CPED1: variants seen among roughly 807,000 people sequenced by gnomAD.
CPED1 encodes the protein cadherin-like and PC-esterase domain-containing protein 1.
A neutral mutation model predicts 128.2 loss-of-function variants in CPED1; 114 were observed. The observed-to-expected ratio is 0.89, with a 90% CI of 0.76 to 1.04. The LOEUF (loss-of-function observed/expected upper bound fraction) is 1.04, where lower values mean the gene tolerates loss of function less well. CPED1 is among the 50% of genes least tolerant of loss of function. The probability of loss-of-function intolerance (pLI) is 0.00; values close to 1 mark genes in which losing one functional copy is unlikely to be tolerated. For synonymous variants in CPED1, 462 were observed against 426.7 expected (o/e 1.08, Z -1.02); for missense variants, 1,211 against 1,207.1 (o/e 1.00, Z -0.05).
At chr7:121,125,327 T>C (rs1319921320) in intron 8 of CPED1, among the ~76,000 whole-genome samples, 1 of 152,156 alleles carries the variant, frequency 6.6e-6, no homozygotes, top group Non-Finnish European at 1.5e-5. Context: ...AGTTCTGGGA[T>C]ATATGTGCAG....
chr7:121,034,649 G>A (rs1792839859), intron 3 of CPED1, among the ~76,000 whole-genome samples: 1 of 152,162 alleles, frequency 6.6e-6, no homozygotes, highest in African/African-American at 2.4e-5. Context: ...TGTGGGTAGG[G>A]GAGGGAGCAT....
intron 5 of CPED1, among the ~76,000 whole-genome samples, chr7:121,077,465 C>A (rs1479796116): frequency 2.0e-5 from 3 of 151,958 alleles, no homozygotes; most frequent in Admixed American, 6.6e-5. Flanking sequence ...AAATTACATA[C>A]CTTTCCCATT....
intron 7 of CPED1, among the ~76,000 whole-genome samples, chr7:121,113,966 C>G (rs1396712258): frequency 6.6e-6 from 1 of 151,972 alleles, no homozygotes; most frequent in East Asian, 1.9e-4. Context: ...GTAGCCAGGA[C>G]TATAGATGCG....
At chr7:121,103,314 T>C in intron 7 of CPED1, among the ~76,000 whole-genome samples, 1 of 152,170 alleles carries the variant, frequency 6.6e-6, no homozygotes, top group Non-Finnish European at 1.5e-5. Context: ...TACTGTTATC[T>C]CCTCAGAGGG....
intron 22 of CPED1, among the ~76,000 whole-genome samples, chr7:121,290,872 T>G (rs1307210566): frequency 6.6e-6 from 1 of 152,222 alleles, no homozygotes; most frequent in Non-Finnish European, 1.5e-5. Context: ...CATGAAGTCT[T>G]TGCCCATGCC....
intron 3 of CPED1, among the ~76,000 whole-genome samples, chr7:121,021,923 A>G (rs1374477208): frequency 6.6e-6 from 1 of 152,044 alleles, no homozygotes; most frequent in Non-Finnish European, 1.5e-5. Flanking sequence ...TATTATGGGT[A>G]AAATGAACTT....
chr7:121,261,648 A>G, intron 18 of CPED1: 1 of 1,611,212 alleles, frequency 6.2e-7, no homozygotes, highest in South Asian at 1.1e-5. Context: ...GTCGATGTCC[A>G]GAGAGTTCCT....
intron 22 of CPED1, among the ~76,000 whole-genome samples, chr7:121,285,665 C>T (rs1473520500): frequency 7.2e-5 from 11 of 152,204 alleles, no homozygotes; most frequent in African/African-American, 2.7e-4. Context: ...CCAACAAGTT[C>T]CTCATCTCCC....
chr7:121,066,883 G>C (rs940780150), intron 5 of CPED1, among the ~76,000 whole-genome samples: 3 of 152,116 alleles, frequency 2.0e-5, no homozygotes, highest in African/African-American at 7.2e-5. Context: ...GCTGCATGTT[G>C]AGTATTACAT....
intron 14 of CPED1, among the ~76,000 whole-genome samples, chr7:121,140,429 G>A (rs884373): frequency 6.6e-6 from 1 of 151,628 alleles, no homozygotes; most frequent in East Asian, 1.9e-4. Flanking sequence ...CATTCCTTGC[G>A]GGTCCTCTTC....
rs140909012 is a variant in CPED1 at position 121,263,760 on chromosome 7, G to A, written c.2311-2467G>A. On this transcript the variant is annotated intron_variant, in intron 18 of 22. Coordinates refer to ENST00000310396, the MANE Select transcript of CPED1 (RefSeq NM_024913.5). ...ATTGTTCTGCATAGCCCACAATACA[G>A]ATATCTAGGGAGCTCGCTGGCTGCC... Among the ~76,000 whole-genome samples the A allele has an allele frequency of 2.4e-4, 36 of 152,074 alleles. 1 individual carries two copies. Among genetic ancestry groups the A allele is most frequent in the African/African-American group, 8.2e-4 (34 of 41,496 alleles).
At chr7:121,267,036 A>G (rs566223176) in intron 20 of CPED1, among the ~76,000 whole-genome samples, 179 bp from the exon 21 acceptor site, 2 of 152,212 alleles carry the variant, frequency 1.3e-5, no homozygotes, top group South Asian at 4.1e-4. Flanking sequence ...GTCTACTGAC[A>G]CCTAAAACTC....
intron 16 of CPED1, among the ~76,000 whole-genome samples, chr7:121,160,605 T>C (rs542253375): frequency 3.0e-4 from 45 of 152,248 alleles, no homozygotes; most frequent in African/African-American, 9.6e-4. Context: ...AGGAATGGCC[T>C]TGTACTGCCA....
intron 16 of CPED1, among the ~76,000 whole-genome samples, chr7:121,168,561 C>T (rs1796584895): frequency 6.6e-6 from 1 of 152,154 alleles, no homozygotes; most frequent in Admixed American, 6.5e-5. Flanking sequence ...ATATCCAACC[C>T]TTCAAGCATT....
chr7:121,048,160 T>C (rs1049488115), intron 4 of CPED1, among the ~76,000 whole-genome samples: 1 of 152,190 alleles, frequency 6.6e-6, no homozygotes, highest in African/African-American at 2.4e-5. Context: ...CCATTTGTAG[T>C]TGAGATTCCG....
chr7:121,223,949 T>A (rs1392526818), intron 16 of CPED1, among the ~76,000 whole-genome samples: 1 of 152,132 alleles, frequency 6.6e-6, no homozygotes, highest in Non-Finnish European at 1.5e-5. Context: ...GGAATTTTTG[T>A]GTCTCTATTT....
chr7:121,250,507 C>A (rs1418972811), intron 18 of CPED1, among the ~76,000 whole-genome samples: 4 of 151,962 alleles, frequency 2.6e-5, no homozygotes, highest in Non-Finnish European at 5.9e-5. Context: ...CACAAAAAAC[C>A]CTTCAAAAAA....
chr7:121,068,881 T>A (rs1270841295), intron 5 of CPED1, among the ~76,000 whole-genome samples: 1 of 152,180 alleles, frequency 6.6e-6, no homozygotes, highest in East Asian at 1.9e-4. Context: ...GAAGCAATTG[T>A]GAATGGGAGT....
intron 3 of CPED1, among the ~76,000 whole-genome samples, chr7:121,042,434 C>T (rs1793083247): frequency 6.6e-6 from 1 of 152,120 alleles, no homozygotes; most frequent in South Asian, 2.1e-4. Flanking sequence ...GTGTCTGTTT[C>T]CTCACTTGTA....
Sources: gnomAD v4.1 joint callset for allele counts (sites outside exome capture counted in the v4.1 genomes callset) on GRCh38, gnomAD v4.1.1 for gene constraint, MANE v1.5 for transcripts, NCBI Gene and HGNC (gene_info 2026-07-23, HGNC 2026-07-21) for gene names.